The following SENP5 variants were observed in gnomAD, a reference collection of about 807,000 sequenced individuals.
The protein encoded by SENP5 is sentrin-specific protease 5.
A neutral mutation model predicts 74.2 loss-of-function variants in SENP5; 21 were observed. That is an observed-to-expected ratio of 0.28 (90% CI 0.20 to 0.41). The LOEUF is 0.41. SENP5 is among the 10% of genes least tolerant of loss of function. SENP5 has a pLI of 1.00. For missense variants in SENP5, 717 were observed against 889.1 expected, an observed-to-expected ratio of 0.81 and a Z score of 2.46; for synonymous variants, 311 against 312.7, an observed-to-expected ratio of 0.99 and a Z score of 0.06.
intron 5 of SENP5, among the ~76,000 whole-genome samples, chr3:196,900,746 T>C (rs1306801828): frequency 1.3e-5 from 2 of 151,918 alleles, no homozygotes; most frequent in Non-Finnish European, 2.9e-5. Context: ...CCACCATGCC[T>C]GGCTAATTTT....
intron 1 of SENP5, among the ~76,000 whole-genome samples, chr3:196,880,115 T>G (rs972109956): frequency 6.6e-6 from 1 of 152,082 alleles, no homozygotes; most frequent in Non-Finnish European, 1.5e-5. Flanking sequence ...CTGGCTAATT[T>G]TTGTATTTTT....
At chr3:196,929,737 G>T in intron 9 of SENP5, 54 bp downstream of exon 9, 1 of 1,236,692 alleles carries the variant, frequency 8.1e-7, no homozygotes, top group Non-Finnish European at 1.2e-6. Context: ...AGTCTGTTGG[G>T]TTGAGAGGGG....
chr3:196,878,294 G>A (rs1272007475), intron 1 of SENP5, among the ~76,000 whole-genome samples: 1 of 152,156 alleles, frequency 6.6e-6, no homozygotes, highest in Non-Finnish European at 1.5e-5. Context: ...TTTCAGAAAA[G>A]TTTCCACTCC....
At chr3:196,906,431 T>C (rs1714908145) in intron 6 of SENP5, among the ~76,000 whole-genome samples, 1 of 152,114 alleles carries the variant, frequency 6.6e-6, no homozygotes, top group East Asian at 1.9e-4. Context: ...CCTACCACAG[T>C]TTGTATTTAT....
At chr3:196,913,591 T>G (rs139515135) in intron 6 of SENP5, among the ~76,000 whole-genome samples, 1 of 141,682 alleles carries the variant, frequency 7.1e-6, no homozygotes, top group Non-Finnish European at 1.5e-5. Flanking sequence ...CAAAAAAAAC[T>G]AGTAAGACCC....
rs927921459 is a variant in SENP5 at position 196,925,499 on chromosome 3, A to T, written c.2022+1948A>T. ...AAGGTATAACCAAAAGTGCAGCCAT[A>T]TCAGTGCCTTTAAGACTCAGATTCT... On this transcript the variant is annotated intron_variant, in intron 7 of 9. Coordinates refer to ENST00000323460, the MANE Select transcript of SENP5 (RefSeq NM_152699.5). Among the ~76,000 whole-genome samples the T allele has an allele frequency of 4.6e-5, 7 of 152,338 alleles. 1 individual carries two copies. The highest frequency in any genetic ancestry group is 1.7e-4 in the African/African-American group (7 of 41,572).
rs914778051 is a variant in SENP5, at chr3:196,932,959, A to G, written c.*2036A>G. 1.3e-5 allele frequency: 2 copies of G among 148,912 alleles called. No individual in the cohort carries two copies. Among genetic ancestry groups the G allele is most frequent in the African/African-American group, 4.9e-5 (2 of 40,500 alleles). 9.2% of individuals were successfully genotyped at this position (148,912 alleles called of 1,614,324 possible). A position where few individuals can be genotyped will look rare whatever the true frequency, so the allele number is the denominator to read the frequency against. On this transcript the variant is annotated 3_prime_UTR_variant, in exon 10 of 10. Coordinates refer to ENST00000323460, the MANE Select transcript of SENP5 (RefSeq NM_152699.5). ...TTCCACTTCCAGTCTCATGCTTCAT[A>G]GGGCACCTTGAGGTGTGCTGCCCAG... is the stretch of plus-strand genomic sequence containing the variant.
rs1716032520 is a variant in SENP5 at position 196,931,380 on chromosome 3, T to C, written c.*457T>C. The C allele has an allele frequency of 6.1e-6, 1 of 163,642 alleles. No homozygotes were observed. The highest frequency in any genetic ancestry group is 2.4e-5 in the African/African-American group (1 of 41,426). The allele number at this position is 163,642 out of a possible 1,614,324, so 10.1% of individuals were successfully genotyped here. A position where few individuals can be genotyped will look rare whatever the true frequency, so the allele number is the denominator to read the frequency against. ...CTGGGGCATTAAGGGTAGCTGGGGG[T>C]GGTTTTGACAAATCCAGTCCTGTTT... On this transcript the variant is annotated 3_prime_UTR_variant, in exon 10 of 10. Transcript: ENST00000323460.
At chr3:196,911,668 G>GTT (rs1715138253) in intron 6 of SENP5, among the ~76,000 whole-genome samples, 2 of 144,078 alleles carry the variant, frequency 1.4e-5, no homozygotes, top group South Asian at 4.2e-4. Flanking sequence ...AGCTGAGGCA[G>GTT]TTGTGGTGGT....
At chr3:196,904,918 CATT>C (rs1300938889) in intron 6 of SENP5, 2 of 152,058 alleles carry the variant, frequency 1.3e-5, no homozygotes, top group African/African-American at 4.8e-5. Flanking sequence ...ATTCATTCAT[CATT>C]TATTTATTGA....
chr3:196,868,263 T>C (rs1381936386), intron 1 of SENP5, among the ~76,000 whole-genome samples, 190 bp downstream of exon 1: 1 of 152,124 alleles, frequency 6.6e-6, no homozygotes, highest in African/African-American at 2.4e-5. Flanking sequence ...GCGAGCGAGC[T>C]CGTCCCGAGG....
chr3:196,912,717 G>C (rs778987604), intron 6 of SENP5: 15 of 152,042 alleles, frequency 9.9e-5, no homozygotes, highest in Non-Finnish European at 2.2e-4. Flanking sequence ...AAAAATAAAA[G>C]GTACTAGGCA....
chr3:196,922,391 T>C (rs762468175), intron 6 of SENP5, among the ~76,000 whole-genome samples: 1 of 152,136 alleles, frequency 6.6e-6, no homozygotes, highest in Non-Finnish European at 1.5e-5. Context: ...TCATGTCTGT[T>C]GAACGAGTCT....
intron 6 of SENP5, among the ~76,000 whole-genome samples, chr3:196,917,556 T>C (rs1715433538): frequency 6.6e-6 from 1 of 152,044 alleles, no homozygotes; most frequent in East Asian, 1.9e-4. Context: ...GAAAGAATCC[T>C]AAAAGCAGCA....
intron 3 of SENP5, 64 bp downstream of exon 3, chr3:196,899,835 C>G: frequency 6.4e-7 from 1 of 1,568,230 alleles, no homozygotes; most frequent in South Asian, 1.2e-5. Flanking sequence ...TGACTTTTCT[C>G]TTGATTTACA....
Position 196,931,807 on chromosome 3 carries a change from C to T in SENP5, c.*884C>T. Reference sequence around the variant, plus strand: ...TTAAGTTGTCATTTCCCTGTGTTGCCTCCCAATTGGAAGAAGTTAAGGTTT... The same window carrying T: ...TTAAGTTGTCATTTCCCTGTGTTGCTTCCCAATTGGAAGAAGTTAAGGTTT... On this transcript the variant is annotated 3_prime_UTR_variant, in exon 10 of 10. Coordinates refer to ENST00000323460, the MANE Select transcript of SENP5 (RefSeq NM_152699.5). The T allele has an allele frequency of 2.8e-6, 1 of 354,540 alleles. No individual in the cohort carries two copies. The highest frequency in any genetic ancestry group is 2.1e-5 in the South Asian group (1 of 48,080). The allele number at this position is 354,540 out of a possible 1,614,324, so 22.0% of individuals were successfully genotyped here.
intron 1 of SENP5, among the ~76,000 whole-genome samples, chr3:196,873,918 G>A (rs1477204974): frequency 6.6e-6 from 1 of 151,930 alleles, no homozygotes; most frequent in Non-Finnish European, 1.5e-5. Context: ...GCCCAGGTTG[G>A]TCTCAAATTC....
At chr3:196,929,168 CAA>C (rs948867605) in intron 8 of SENP5, 1 of 153,624 alleles carries the variant, frequency 6.5e-6, no homozygotes, top group African/African-American at 2.4e-5. Flanking sequence ...AAACCCAAAA[CAA>C]AAACCATACT....
rs565833910 is a variant in SENP5 at position 196,871,735 on chromosome 3, C to T, written c.-32+3662C>T. 1.5e-4 allele frequency among the ~76,000 whole-genome samples: 23 copies of T among 151,552 alleles called. No individual in the cohort carries two copies. The South Asian group carries it at 4.4e-3, about 29-fold the overall frequency. On this transcript the variant is annotated intron_variant, in intron 1 of 9. Coordinates refer to ENST00000323460, the MANE Select transcript of SENP5 (RefSeq NM_152699.5). ...CTGGGCATGGTGGCACACACTCGTACTCCTAGCTACTCAGGAGGCTGAGGC... is the reference window on the plus strand; with the variant it reads ...CTGGGCATGGTGGCACACACTCGTATTCCTAGCTACTCAGGAGGCTGAGGC...
Sources: allele counts gnomAD v4.1 joint callset (sites outside exome capture counted in the v4.1 genomes callset), GRCh38; gene constraint gnomAD v4.1.1; transcripts MANE v1.5; gene names NCBI Gene and HGNC (gene_info 2026-07-23, HGNC 2026-07-21).